ST18: variants seen among roughly 807,000 people sequenced by gnomAD.
ST18 encodes the protein suppression of tumorigenicity 18 protein.
Under a neutral mutation model 110.0 loss-of-function variants are expected in ST18, and 50 were observed. The ratio of observed to expected loss-of-function variants is 0.45; its 90% CI spans 0.36 to 0.58. ST18 has a LOEUF of 0.58. Among genes scored for constraint, ST18 ranks in the 20% least tolerant of loss-of-function variants. The pLI, the probability that ST18 is intolerant of heterozygous loss-of-function variation, is 0.00. For missense variants in ST18, 1,306 were observed against 1,280.1 expected, an observed-to-expected ratio of 1.02 and a Z score of -0.31; for synonymous variants, 461 against 452.4, an observed-to-expected ratio of 1.02 and a Z score of -0.24.
intron 8 of ST18, chr8:52,194,381 T>G (rs2075551226): frequency 6.8e-6 from 1 of 147,484 alleles, no homozygotes; most frequent in South Asian, 2.1e-4. Flanking sequence ...AAACCTTATC[T>G]CTCTACACTA....
chr8:52,126,199 A>C, intron 22 of ST18, 59 bp from the exon 23 acceptor site: 1 of 1,521,080 alleles, frequency 6.6e-7, no homozygotes, highest in Non-Finnish European at 9.0e-7. Flanking sequence ...ATAAAAATTA[A>C]AATGTTTTAT....
chr8:52,330,954 A>C (rs1017364759), intron 2 of ST18, among the ~76,000 whole-genome samples: 4 of 152,178 alleles, frequency 2.6e-5, no homozygotes, highest in Admixed American at 6.5e-5. Flanking sequence ...AGGCAGACAG[A>C]CAGAGGAGAG....
chr8:52,240,384 A>C (rs2137542641), intron 2 of ST18, among the ~76,000 whole-genome samples: 1 of 152,274 alleles, frequency 6.6e-6, no homozygotes, highest in African/African-American at 2.4e-5. Flanking sequence ...TATTATACAG[A>C]AAATTTTGAG....
intron 10 of ST18, among the ~76,000 whole-genome samples, chr8:52,168,408 C>T (rs554219816): frequency 4.0e-4 from 61 of 152,010 alleles, no homozygotes; most frequent in African/African-American, 1.3e-3. Flanking sequence ...CAGACATTTC[C>T]GGGGTGCTGT....
intron 2 of ST18, among the ~76,000 whole-genome samples, chr8:52,250,444 G>GAAAAAAAAAAAAAAAAAAAAAAAAA: frequency 1.8e-4 from 1 of 5,466 alleles, no homozygotes; most frequent in Non-Finnish European, 3.3e-4. Flanking sequence ...AGCCTCAAAG[G>GAAAAAAAAAAAAAAAAAAAAAAAAA]CAAAAAAAAA....
At chr8:52,157,850 G>A (rs936752633) in intron 15 of ST18, among the ~76,000 whole-genome samples, 2 of 152,246 alleles carry the variant, frequency 1.3e-5, no homozygotes, top group African/African-American at 4.8e-5. Context: ...TGACCATGCC[G>A]GGGACCGGCA....
intron 2 of ST18, among the ~76,000 whole-genome samples, chr8:52,276,275 A>G (rs1406001976): frequency 3.3e-5 from 5 of 149,664 alleles, no homozygotes; most frequent in Non-Finnish European, 7.4e-5. Flanking sequence ...ACCACGTACC[A>G]CATACACACA....
chr8:52,123,468 C>A (rs1174708904), intron 23 of ST18, among the ~76,000 whole-genome samples: 3 of 152,198 alleles, frequency 2.0e-5, no homozygotes, highest in East Asian at 3.9e-4. Flanking sequence ...TTAGAGCAGA[C>A]CCCCAAACCA....
chr8:52,219,391 A>C (rs1434911044), intron 5 of ST18, among the ~76,000 whole-genome samples: 1 of 152,226 alleles, frequency 6.6e-6, no homozygotes, highest in Non-Finnish European at 1.5e-5. Context: ...CTTAAAAAAA[A>C]CTAAACTCTA....
intron 2 of ST18, among the ~76,000 whole-genome samples, chr8:52,242,531 A>G (rs2093511755): frequency 6.6e-6 from 1 of 152,204 alleles, no homozygotes; most frequent in Non-Finnish European, 1.5e-5. Flanking sequence ...GAATGAAAAG[A>G]ATTAATAGAT....
chr8:52,119,774 A>G lies in ST18; in HGVS notation c.2756-1333T>C, dbSNP rs146302579. ...AAAAAAGTAAGCCGAAAGTTACATC[A>G]CATACAGCATGATAAAACAGATGGC... is the stretch of plus-strand genomic sequence containing the variant. On this transcript the variant is annotated intron_variant, in intron 23 of 25. Coordinates refer to ENST00000689386, the MANE Select transcript of ST18 (RefSeq NM_001352837.2). Among the ~76,000 whole-genome samples the G allele has an allele frequency of 2.6e-5, 4 of 152,326 alleles. No homozygotes were observed. The East Asian group carries it at 7.7e-4, about 29-fold the overall frequency.
At chr8:52,273,709 A>G (rs1351520778) in intron 2 of ST18, among the ~76,000 whole-genome samples, 2 of 152,178 alleles carry the variant, frequency 1.3e-5, no homozygotes, top group African/African-American at 2.4e-5. Context: ...AAGTTGGTCT[A>G]TTTGCATTTT....
intron 2 of ST18, among the ~76,000 whole-genome samples, chr8:52,305,373 C>A (rs925620410): frequency 4.6e-5 from 7 of 152,218 alleles, no homozygotes; most frequent in Non-Finnish European, 8.8e-5. Flanking sequence ...GAGTACTAAG[C>A]TGTCAGCCTC....
At chr8:52,390,861 G>A (rs567069207) in intron 2 of ST18, among the ~76,000 whole-genome samples, 6 of 152,292 alleles carry the variant, frequency 3.9e-5, no homozygotes, top group East Asian at 3.9e-4. Flanking sequence ...AGGTGCAGAC[G>A]GCACTAAAAA....
At chr8:52,393,637 C>A (rs868828668) in intron 2 of ST18, 1 of 152,066 alleles carries the variant, frequency 6.6e-6, no homozygotes, top group South Asian at 2.1e-4. Flanking sequence ...AATCCCAGCA[C>A]TTTGAGAGGC....
At chr8:52,140,776 T>G (rs1417583943) in intron 17 of ST18, among the ~76,000 whole-genome samples, 1 of 152,308 alleles carries the variant, frequency 6.6e-6, no homozygotes. Context: ...AAAATGGTAT[T>G]GCAGGTTAAT....
intron 2 of ST18, among the ~76,000 whole-genome samples, chr8:52,357,676 A>AATATATATATAT (rs71252934): frequency 2.9e-4 from 11 of 38,440 alleles, no homozygotes; most frequent in South Asian, 9.8e-4. Flanking sequence ...AAAATCTATA[A>AATATATATATAT]ATATATATAT....
chr8:52,234,273 A>ATT (rs138620539), intron 2 of ST18, among the ~76,000 whole-genome samples: 56 of 150,828 alleles, frequency 3.7e-4, no homozygotes, highest in Non-Finnish European at 7.7e-4. Flanking sequence ...TAGAACTACC[A>ATT]TTTTTTTTTG....
chr8:52,381,413 T>G (rs1346392197), intron 2 of ST18, among the ~76,000 whole-genome samples: 2 of 152,198 alleles, frequency 1.3e-5, no homozygotes, highest in Non-Finnish European at 2.9e-5. Context: ...GCCTCCCAAA[T>G]AGACAGAAAC....
Sources: allele counts gnomAD v4.1 joint callset (sites outside exome capture counted in the v4.1 genomes callset), GRCh38; gene constraint gnomAD v4.1.1; transcripts MANE v1.5; gene names NCBI Gene and HGNC (gene_info 2026-07-23, HGNC 2026-07-21).